DLGAP1: variants seen among roughly 807,000 people sequenced by gnomAD.
DLGAP1 encodes the protein DLG associated protein 1.
In DLGAP1, 11 loss-of-function variants were observed where a neutral mutation model predicts 90.8. The ratio of observed to expected loss-of-function variants is 0.12; its 90% CI spans 0.08 to 0.20. The LOEUF (loss-of-function observed/expected upper bound fraction) is 0.20. Among genes scored for constraint, DLGAP1 ranks in the 10% least tolerant of loss-of-function variants. DLGAP1 has a pLI of 1.00. For missense variants in DLGAP1, 1,050 were observed against 1,333.8 expected (o/e 0.79, Z 3.31); for synonymous variants, 558 against 540.7 (o/e 1.03, Z -0.44).
chr18:4,081,156 G>A (rs1288019582), intron 2 of DLGAP1, among the ~76,000 whole-genome samples: 1 of 151,978 alleles, frequency 6.6e-6, no homozygotes, highest in African/African-American at 2.4e-5. Flanking sequence ...CCAAAGTGTT[G>A]GGATTAGAAG....
At chr18:3,877,248 C>T (rs942376155) in intron 4 of DLGAP1, among the ~76,000 whole-genome samples, 4 of 152,106 alleles carry the variant, frequency 2.6e-5, no homozygotes, top group African/African-American at 9.7e-5. Flanking sequence ...CTTTTCACCA[C>T]TACCTGAGAT....
At position 3,593,273 on chromosome 18, in the gene DLGAP1, G is replaced by A. The variant is rs1213109230; in HGVS notation, c.1592-11025C>T. Among the ~76,000 whole-genome samples the A allele has an allele frequency of 3.0e-4, 46 of 152,140 alleles. 1 individual carries two copies. Among genetic ancestry groups the A allele is most frequent in the Non-Finnish European group, 1.5e-5 (1 of 68,038 alleles). On this transcript the variant is annotated intron_variant, in intron 7 of 12. Coordinates refer to ENST00000315677, the MANE Select transcript of DLGAP1 (RefSeq NM_004746.4). ...AATGAATTTGGAGTGGTCAACAAGG[G>A]GTGCACAGTTGCAACTTTTAAAATA...
chr18:3,814,146 C>G lies in DLGAP1; in HGVS notation c.1085G>C (p.Ser362Thr), dbSNP rs1447026359. The part of the protein sequence containing the change: ...GDEDSGDSDT[S>T]PKPSPKVAAR... ...AGCAACTTTTGGAGAAGGCTTAGGA[C>G]TCGTGTCTGAGTCTCCACTGTCTTC... Residue 362 changes from serine to threonine, a missense_variant, in exon 5 of 13, where the codon AGT becomes ACT. Around this residue, in one of 2 missense-constraint regions of DLGAP1, gnomAD observed 565 missense variants for 879.7 expected, o/e 0.64. Transcript: ENST00000315677. 1.9e-6 allele frequency: 3 copies of G among 1,613,948 alleles called. No homozygotes were observed. The highest frequency in any genetic ancestry group is 2.5e-6 in the Non-Finnish European group (3 of 1,180,018).
At chr18:3,536,713 T>A (rs766051472) in intron 9 of DLGAP1, among the ~76,000 whole-genome samples, 1 of 152,190 alleles carries the variant, frequency 6.6e-6, no homozygotes, top group Non-Finnish European at 1.5e-5. Flanking sequence ...AGCGAGGTGA[T>A]GAAAGACACC....
intron 7 of DLGAP1, among the ~76,000 whole-genome samples, chr18:3,601,617 C>T (rs2057028971): frequency 6.6e-6 from 1 of 151,858 alleles, no homozygotes; most frequent in Non-Finnish European, 1.5e-5. Flanking sequence ...CCGAGGTGGG[C>T]CAATCGTTTG....
intron 2 of DLGAP1, among the ~76,000 whole-genome samples, chr18:4,033,926 A>G (rs1403300093): frequency 6.6e-6 from 1 of 151,164 alleles, no homozygotes; most frequent in Non-Finnish European, 1.5e-5. Flanking sequence ...TTTAGTAGAG[A>G]CAAGGTTTCA....
chr18:4,043,306 C>G (rs1193716888), intron 2 of DLGAP1, among the ~76,000 whole-genome samples: 1 of 152,180 alleles, frequency 6.6e-6, no homozygotes, highest in Non-Finnish European at 1.5e-5. Context: ...TGAAATTAAT[C>G]ACCAAATGTC....
At chr18:4,225,897 C>G (rs1292969391) in intron 1 of DLGAP1, among the ~76,000 whole-genome samples, 1 of 152,088 alleles carries the variant, frequency 6.6e-6, no homozygotes, top group Non-Finnish European at 1.5e-5. Flanking sequence ...GGGATAATAA[C>G]ACAGAACTTC....
chr18:3,839,117 T>A (rs1368589289), intron 4 of DLGAP1, among the ~76,000 whole-genome samples: 1 of 152,214 alleles, frequency 6.6e-6, no homozygotes, highest in Non-Finnish European at 1.5e-5. Context: ...GAAGGGCTTA[T>A]TTTCTTTAGA....
chr18:3,983,350 C>A (rs2073776803), intron 3 of DLGAP1: 1 of 152,038 alleles, frequency 6.6e-6, no homozygotes, highest in South Asian at 2.1e-4. Flanking sequence ...CTAACAGGAC[C>A]CTAAATTCAA....
intron 3 of DLGAP1, among the ~76,000 whole-genome samples, chr18:3,989,559 C>T (rs1424613230): frequency 7.1e-6 from 1 of 139,974 alleles, no homozygotes; most frequent in Non-Finnish European, 1.6e-5. Context: ...ACCATCCATC[C>T]AAGACTTCAA....
At chr18:3,743,649 C>T (rs918091011) in intron 5 of DLGAP1, among the ~76,000 whole-genome samples, 11 of 149,562 alleles carry the variant, frequency 7.4e-5, no homozygotes, top group African/African-American at 2.2e-4. Flanking sequence ...CCACCGCGCC[C>T]GGCCTTTATT....
chr18:4,398,143 A>T (rs1182473473), intron 1 of DLGAP1, among the ~76,000 whole-genome samples: 1 of 152,232 alleles, frequency 6.6e-6, no homozygotes, highest in African/African-American at 2.4e-5. Flanking sequence ...ATGTGTTCAG[A>T]GCCACAGGCC....
chr18:4,109,504 C>T (rs1348697353), intron 2 of DLGAP1, among the ~76,000 whole-genome samples: 5 of 152,062 alleles, frequency 3.3e-5, no homozygotes, highest in African/African-American at 1.2e-4. Flanking sequence ...CTAAAGTGTC[C>T]ATTGGCTTTG....
intron 7 of DLGAP1, among the ~76,000 whole-genome samples, chr18:3,601,182 G>A (rs529904378): frequency 1.3e-5 from 2 of 151,924 alleles, no homozygotes; most frequent in South Asian, 4.1e-4. Context: ...CACTTCCCGG[G>A]CTAAAGCAAT....
chr18:4,422,290 G>A (rs1206982783), intron 1 of DLGAP1, among the ~76,000 whole-genome samples: 1 of 151,802 alleles, frequency 6.6e-6, no homozygotes, highest in Non-Finnish European at 1.5e-5. Flanking sequence ...ATAATGCCAT[G>A]TTTACTGACA....
chr18:4,182,065 C>G (rs77506827), intron 1 of DLGAP1, among the ~76,000 whole-genome samples: 1 of 152,026 alleles, frequency 6.6e-6, no homozygotes, highest in Non-Finnish European at 1.5e-5. Flanking sequence ...AAGCAGGAGT[C>G]GGGAAAGACT....
At chr18:4,100,174 C>T (rs113699524) in intron 2 of DLGAP1, among the ~76,000 whole-genome samples, 74 of 152,212 alleles carry the variant, frequency 4.9e-4, no homozygotes, top group African/African-American at 1.7e-3. Context: ...GCAGCTATAG[C>T]CTTACAAAAT....
chr18:4,096,125 A>C (rs1157640190), intron 2 of DLGAP1, among the ~76,000 whole-genome samples: 1 of 152,178 alleles, frequency 6.6e-6, no homozygotes, highest in Non-Finnish European at 1.5e-5. Flanking sequence ...TTCTGGGTTC[A>C]AGTGATTCTC....
Sources: gnomAD v4.1 joint callset for allele counts (sites outside exome capture counted in the v4.1 genomes callset) on GRCh38, gnomAD v4.1.1 for gene constraint, gnomAD v4.1.1 regional missense constraint, MANE v1.5 for transcripts, NCBI Gene and HGNC (gene_info 2026-07-23, HGNC 2026-07-21) for gene names.